Variants in STAU2 observed in about 807,000 individuals in gnomAD.
The protein encoded by STAU2 is staufen double-stranded RNA binding protein 2, also known as double-stranded RNA-binding protein Staufen homolog 2.
A neutral mutation model predicts 65.9 loss-of-function variants in STAU2; 20 were observed. The observed-to-expected ratio is 0.30, with a 90% confidence interval of 0.21 to 0.44. The LOEUF is 0.44. Among genes scored for constraint, STAU2 ranks in the 20% least tolerant of loss-of-function variants. The pLI is 1.00. For synonymous variants in STAU2, 232 were observed against 233.9 expected, an observed-to-expected ratio of 0.99 and a Z score of 0.07; for missense variants, 558 against 683.9, an observed-to-expected ratio of 0.82 and a Z score of 2.05.
In STAU2 at chr8:73,603,743, G is replaced by C. The variant is rs777515554; in HGVS notation, c.1012C>G (p.Arg338Gly). The stretch of plus-strand genomic sequence containing the variant: ...AGAAATACCTGCATCACAAATTCTC[G>C]ACGTCGAGGCATTCCTCTTTCTGAA... Reference protein sequence around the residue: ...LLSERGMPRRREFVMQVKVGN... With the variant: ...LLSERGMPRRGEFVMQVKVGN... The change falls in exon 10 of 15, where the codon CGA (arginine) becomes GGA (glycine). Residue 338 changes from arginine (R) to glycine (G), a missense_variant. Coordinates refer to ENST00000524300, the MANE Select transcript of STAU2 (RefSeq NM_001164380.2). 14 of 1,610,222 alleles carry C rather than the reference G, an allele frequency of 8.7e-6. No individual in the cohort carries two copies. Among genetic ancestry groups the C allele is most frequent in the Non-Finnish European group, 1.2e-5 (14 of 1,179,466 alleles).
chr8:73,443,008 A>T (rs1818273695), intron 13 of STAU2, among the ~76,000 whole-genome samples: 1 of 152,380 alleles, frequency 6.6e-6, no homozygotes, highest in East Asian at 1.9e-4. Context: ...AACACAAAGC[A>T]TTCCAATACG....
At chr8:73,630,836 T>TA (rs1814041387) in intron 6 of STAU2, among the ~76,000 whole-genome samples, 4 of 152,242 alleles carry the variant, frequency 2.6e-5, no homozygotes, top group Non-Finnish European at 4.4e-5. Flanking sequence ...ATCAGCCTTC[T>TA]TTGATATTCT....
intron 13 of STAU2, among the ~76,000 whole-genome samples, chr8:73,508,121 T>A (rs545220308): frequency 6.6e-6 from 1 of 152,370 alleles, no homozygotes; most frequent in African/African-American, 2.4e-5. Flanking sequence ...GTAACACTTC[T>A]AATTTCTTTC....
At chr8:73,602,718 G>A (rs1190441208) in intron 10 of STAU2, among the ~76,000 whole-genome samples, 1 of 138,674 alleles carries the variant, frequency 7.2e-6, no homozygotes, top group Non-Finnish European at 1.5e-5. Context: ...ACAAGACCCT[G>A]TTGCCCCACC....
chr8:73,643,093 G>A (rs1367685129), intron 6 of STAU2, among the ~76,000 whole-genome samples: 2 of 152,074 alleles, frequency 1.3e-5, no homozygotes, highest in East Asian at 1.9e-4. Flanking sequence ...GTCTATCCCC[G>A]AAGTCTTAAC....
At chr8:73,629,908 C>A (rs2130014323) in intron 6 of STAU2, among the ~76,000 whole-genome samples, 1 of 152,276 alleles carries the variant, frequency 6.6e-6, no homozygotes, top group East Asian at 1.9e-4. Flanking sequence ...CGTGCACTAC[C>A]ACACTTGGCT....
rs1812478082 is a variant in STAU2 at position 73,611,692 on chromosome 8, T to C, written c.891+2052A>G. 2.0e-5 allele frequency among the ~76,000 whole-genome samples: 3 copies of C among 150,542 alleles called. No homozygotes were observed. In the South Asian group the frequency reaches 6.2e-4, roughly 31 times the overall value. ...ATTATGATTATTATTATTATTATCATTTTGAGATGGAATCTCATTCTGTCA... is the reference window on the plus strand; with the variant it reads ...ATTATGATTATTATTATTATTATCACTTTGAGATGGAATCTCATTCTGTCA... On this transcript the variant is annotated intron_variant, in intron 9 of 14. Transcript: ENST00000524300.
chr8:73,583,657 T>C (rs1810157874), intron 11 of STAU2, among the ~76,000 whole-genome samples: 3 of 150,648 alleles, frequency 2.0e-5, no homozygotes, highest in African/African-American at 7.3e-5. Context: ...AATACAAATA[T>C]AAAAAAAATA....
intron 13 of STAU2, among the ~76,000 whole-genome samples, chr8:73,488,935 C>G (rs916095200): frequency 6.6e-6 from 1 of 151,864 alleles, no homozygotes; most frequent in Admixed American, 6.6e-5. Context: ...TCATTTATTT[C>G]TTTTCTGAAT....
chr8:73,595,397 A>T (rs1156279635), intron 10 of STAU2, 100 bp from the exon 11 acceptor site: 8 of 1,139,766 alleles, frequency 7.0e-6, no homozygotes, highest in African/African-American at 1.6e-5. Flanking sequence ...AGCATTTGAA[A>T]ACATAAAGTT....
intron 12 of STAU2, among the ~76,000 whole-genome samples, chr8:73,562,560 G>C (rs1282299501): frequency 6.6e-6 from 1 of 152,118 alleles, no homozygotes; most frequent in Non-Finnish European, 1.5e-5. Flanking sequence ...TAATGCACTT[G>C]GCTATTTTCA....
intron 6 of STAU2, among the ~76,000 whole-genome samples, chr8:73,642,215 G>A (rs1356444128): frequency 1.3e-5 from 2 of 152,046 alleles, no homozygotes; most frequent in African/African-American, 2.4e-5. Context: ...ACATGGTCAG[G>A]TCTCCCCCAC....
chr8:73,470,816 T>A (rs932452349), intron 13 of STAU2, among the ~76,000 whole-genome samples: 14 of 75,760 alleles, frequency 1.8e-4, no homozygotes, highest in South Asian at 1.6e-3. Context: ...AAAAAAAAAT[T>A]TTTTTTTAAA....
intron 13 of STAU2, among the ~76,000 whole-genome samples, chr8:73,496,808 C>T (rs1821446023): frequency 6.6e-6 from 1 of 151,622 alleles, no homozygotes; most frequent in African/African-American, 2.4e-5. Context: ...GCATTTTATG[C>T]TTGGAGCACA....
intron 5 of STAU2, among the ~76,000 whole-genome samples, chr8:73,674,280 C>A (rs959103436): frequency 6.6e-6 from 1 of 151,322 alleles, no homozygotes; most frequent in African/African-American, 2.4e-5. Context: ...TCTCTAAAAT[C>A]GAAAGAAAAC....
At chr8:73,467,346 C>T (rs1306022419) in intron 13 of STAU2, among the ~76,000 whole-genome samples, 1 of 152,156 alleles carries the variant, frequency 6.6e-6, no homozygotes. Context: ...TCCTGGCTAA[C>T]ACGATGAAAC....
chr8:73,575,519 A>G (rs1432131030), intron 12 of STAU2, among the ~76,000 whole-genome samples: 1 of 152,182 alleles, frequency 6.6e-6, no homozygotes, highest in Admixed American at 6.5e-5. Flanking sequence ...CCACATACGT[A>G]AAATTACTTA....
At chr8:73,483,775 C>G (rs947011556) in intron 13 of STAU2, among the ~76,000 whole-genome samples, 2 of 152,042 alleles carry the variant, frequency 1.3e-5, no homozygotes, top group African/African-American at 4.8e-5. Flanking sequence ...AGGCTCCAGG[C>G]CAGGTATGTG....
chr8:73,569,930 C>T (rs879355731), intron 12 of STAU2, among the ~76,000 whole-genome samples: 11 of 152,178 alleles, frequency 7.2e-5, no homozygotes, highest in Admixed American at 3.3e-4. Flanking sequence ...TACAGCTCCT[C>T]GCCAGCAACG....
Sources: gnomAD v4.1 joint callset for allele counts (sites outside exome capture counted in the v4.1 genomes callset) on GRCh38, gnomAD v4.1.1 for gene constraint, MANE v1.5 for transcripts, NCBI Gene and HGNC (gene_info 2026-07-23, HGNC 2026-07-21) for gene names.